PRKCH: variants seen among roughly 807,000 people sequenced by gnomAD.
PRKCH encodes the protein protein kinase C eta type.
In PRKCH, 28 loss-of-function variants were observed where a neutral mutation model predicts 82.5. The ratio of observed to expected loss-of-function variants is 0.34; its 90% confidence interval spans 0.25 to 0.47. The LOEUF is 0.47. PRKCH is among the 20% of genes least tolerant of loss of function. The probability of loss-of-function intolerance (pLI) is 1.00; values close to 1 mark genes in which losing one functional copy is unlikely to be tolerated. For synonymous variants in PRKCH, 322 were observed against 327.4 expected (o/e 0.98, Z 0.18); for missense variants, 705 against 881.8 (o/e 0.80, Z 2.54).
chr14:61,530,277 G>A lies in PRKCH; in HGVS notation c.1573-130G>A, dbSNP rs146777997. The A allele has an allele frequency of 8.0e-6, 8 of 1,003,780 alleles. No homozygotes were observed. In the South Asian group the frequency reaches 1.3e-4, roughly 16 times the overall value. 62.2% of individuals were successfully genotyped at this position (1,003,780 alleles called of 1,614,324 possible). On this transcript the variant is annotated intron_variant, in intron 11 of 13. Coordinates refer to ENST00000332981, the MANE Select transcript of PRKCH (RefSeq NM_006255.5). ...ACTCTGTAGAAATGGAATGAAATACGCTTGCTAGCACAGGAGACTTTTTTA... is the reference window on the plus strand; with the variant it reads ...ACTCTGTAGAAATGGAATGAAATACACTTGCTAGCACAGGAGACTTTTTTA...
chr14:61,221,413 C>T (rs1309411533), intron 1 of PRKCH, among the ~76,000 whole-genome samples: 2 of 152,062 alleles, frequency 1.3e-5, no homozygotes, highest in East Asian at 1.9e-4. Flanking sequence ...TCTTCATCTC[C>T]CTTTTTCCTT....
chr14:61,409,469 G>A (rs1422908508), intron 2 of PRKCH, among the ~76,000 whole-genome samples: 1 of 152,016 alleles, frequency 6.6e-6, no homozygotes, highest in Non-Finnish European at 1.5e-5. Context: ...GGCTGAAGCA[G>A]GAGGATTGCT....
At chr14:61,226,654 T>C (rs1423479360) in intron 1 of PRKCH, among the ~76,000 whole-genome samples, 11 of 152,240 alleles carry the variant, frequency 7.2e-5, no homozygotes, top group Non-Finnish European at 1.3e-4. Flanking sequence ...CAAAGCATTG[T>C]ATTTGGCAGT....
intron 1 of PRKCH, among the ~76,000 whole-genome samples, chr14:61,380,178 C>A (rs938130472): frequency 1.3e-5 from 2 of 152,140 alleles, no homozygotes; most frequent in African/African-American, 4.8e-5. Flanking sequence ...CCCACCTCAA[C>A]CTCCCAAGCA....
At chr14:61,508,994 C>T (rs1887266654) in intron 10 of PRKCH, among the ~76,000 whole-genome samples, 1 of 152,032 alleles carries the variant, frequency 6.6e-6, no homozygotes, top group African/African-American at 2.4e-5. Context: ...TCACCTTCTC[C>T]AAGGTGACTG....
chr14:61,419,926 C>CTT (rs1264515930), intron 2 of PRKCH, among the ~76,000 whole-genome samples: 8 of 152,134 alleles, frequency 5.3e-5, no homozygotes, highest in Non-Finnish European at 1.0e-4. Flanking sequence ...CACAATTTGC[C>CTT]CTGTTTTGCC....
At chr14:61,461,873 T>G (rs1885044010) in intron 9 of PRKCH, among the ~76,000 whole-genome samples, 1 of 152,208 alleles carries the variant, frequency 6.6e-6, no homozygotes, top group African/African-American at 2.4e-5. Context: ...CAGTGTTTAG[T>G]GGGTGAAGCC....
chr14:61,348,749 C>T (rs2046030626), intron 1 of PRKCH, among the ~76,000 whole-genome samples: 1 of 152,220 alleles, frequency 6.6e-6, no homozygotes, highest in African/African-American at 2.4e-5. Context: ...GGTCTCCCTC[C>T]ATCTTTCCAC....
At chr14:61,506,623 G>T (rs1887162563) in intron 10 of PRKCH, among the ~76,000 whole-genome samples, 1 of 152,102 alleles carries the variant, frequency 6.6e-6, no homozygotes, top group South Asian at 2.1e-4. Flanking sequence ...TGAACTAACT[G>T]CCCTGGGGCT....
rs765839686 is a variant in PRKCH, at chr14:61,530,602, T to C, written c.1761+7T>C. 1 of 1,586,480 alleles carries C rather than the reference T, an allele frequency of 6.3e-7. No homozygotes were observed. Among genetic ancestry groups the C allele is most frequent in the South Asian group, 1.2e-5 (1 of 86,264 alleles). On this transcript the variant is annotated splice_region_variant and intron_variant, in intron 12 of 13. Coordinates refer to ENST00000332981, the MANE Select transcript of PRKCH (RefSeq NM_006255.5). Reference sequence around the variant, plus strand: ...CACAGGGATCCTAAAATCTGTAAGTTTGGCTTACCCAGCTAGCTTCTGATG... The same window carrying C: ...CACAGGGATCCTAAAATCTGTAAGTCTGGCTTACCCAGCTAGCTTCTGATG...
chr14:61,362,354 A>G (rs2046237510), intron 1 of PRKCH, among the ~76,000 whole-genome samples: 1 of 151,910 alleles, frequency 6.6e-6, no homozygotes, highest in South Asian at 2.1e-4. Flanking sequence ...AAAAAAAAAA[A>G]AAAAAGGAAA....
chr14:61,369,157 T>C (rs1251036575), intron 1 of PRKCH, among the ~76,000 whole-genome samples: 2 of 152,140 alleles, frequency 1.3e-5, no homozygotes, highest in African/African-American at 4.8e-5. Context: ...GTGGATGCTG[T>C]GTGAAGACCC....
At chr14:61,414,516 G>T (rs926543596) in intron 2 of PRKCH, among the ~76,000 whole-genome samples, 1 of 151,254 alleles carries the variant, frequency 6.6e-6, no homozygotes. Context: ...CAAGTGATCT[G>T]CCTGCCTCAG....
chr14:61,238,129 G>T (rs1217451304), intron 1 of PRKCH, among the ~76,000 whole-genome samples: 1 of 152,210 alleles, frequency 6.6e-6, no homozygotes, highest in Non-Finnish European at 1.5e-5. Context: ...TAAGTAGGCA[G>T]CTTTAGACTA....
At chr14:61,396,486 A>G (rs2046785224) in intron 2 of PRKCH, among the ~76,000 whole-genome samples, 1 of 152,060 alleles carries the variant, frequency 6.6e-6, no homozygotes, top group Non-Finnish European at 1.5e-5. Flanking sequence ...AGACATAGAC[A>G]CTCTCACAGG....
intron 10 of PRKCH, among the ~76,000 whole-genome samples, chr14:61,502,068 TTTTTTTTTTTTTTTC>T (rs1886938739): frequency 7.2e-6 from 1 of 139,076 alleles, no homozygotes; most frequent in African/African-American, 2.7e-5. Flanking sequence ...TTCTTTTCTT[TTTTTTTTTTTTTTTC>T]CGAGATGGAG....
At chr14:61,246,697 C>T (rs967277027) in intron 1 of PRKCH, among the ~76,000 whole-genome samples, 1 of 152,158 alleles carries the variant, frequency 6.6e-6, no homozygotes, top group Non-Finnish European at 1.5e-5. Flanking sequence ...TACTCTCCTC[C>T]TTGCCCTTTA....
intron 10 of PRKCH, among the ~76,000 whole-genome samples, chr14:61,510,569 G>GT (rs1038606809): frequency 1.5e-4 from 23 of 152,178 alleles, no homozygotes; most frequent in Admixed American, 5.2e-4. Flanking sequence ...TTTAGTTTTT[G>GT]TTTTTTTGTG....
intron 1 of PRKCH, among the ~76,000 whole-genome samples, chr14:61,219,324 T>C (rs556727822): frequency 7.7e-4 from 118 of 152,368 alleles, no homozygotes; most frequent in African/African-American, 2.6e-3. Context: ...GTTCCAAATA[T>C]GGAATGGCAA....
Sources: allele counts gnomAD v4.1 joint callset (sites outside exome capture counted in the v4.1 genomes callset), GRCh38; gene constraint gnomAD v4.1.1; transcripts MANE v1.5; gene names NCBI Gene and HGNC (gene_info 2026-07-23, HGNC 2026-07-21).